Variants in BTAF1 observed in about 807,000 individuals in gnomAD.
The protein encoded by BTAF1 is TATA-binding protein-associated factor 172.
In BTAF1, 38 loss-of-function variants were observed where a neutral mutation model predicts 227.1. That is an observed-to-expected ratio of 0.17 (90% CI 0.13 to 0.22). The LOEUF is 0.22. Among genes scored for constraint, BTAF1 ranks in the 10% least tolerant of loss-of-function variants. The pLI is 1.00. For missense variants in BTAF1, 1,598 were observed against 2,204.0 expected (o/e 0.73, Z 5.51); for synonymous variants, 742 against 751.9 (o/e 0.99, Z 0.21).
intron 1 of BTAF1, among the ~76,000 whole-genome samples, chr10:91,929,877 A>G (rs1844155523): frequency 6.6e-6 from 1 of 152,192 alleles, no homozygotes; most frequent in Non-Finnish European, 1.5e-5. Flanking sequence ...TCAATCCATT[A>G]TAAGATGACA....
intron 19 of BTAF1, among the ~76,000 whole-genome samples, chr10:91,985,176 T>C (rs1450064620): frequency 3.3e-5 from 5 of 152,120 alleles, no homozygotes; most frequent in African/African-American, 1.2e-4. Context: ...ATTATTCTAA[T>C]TCCCCCCCGA....
chr10:91,929,058 C>T (rs751104888), intron 1 of BTAF1, among the ~76,000 whole-genome samples: 3 of 152,152 alleles, frequency 2.0e-5, no homozygotes, highest in Non-Finnish European at 2.9e-5. Context: ...CAGTGATCCA[C>T]GTGGCTTTGC....
chr10:91,995,169 T>A (rs1368812484), intron 23 of BTAF1, among the ~76,000 whole-genome samples: 1 of 152,154 alleles, frequency 6.6e-6, no homozygotes, highest in Non-Finnish European at 1.5e-5. Context: ...TATCTGGTTT[T>A]TTTCATAGAA....
rs148135608 is a variant in BTAF1, at chr10:91,992,236, C to A, written c.2972C>A (p.Pro991His). Residue 991 changes from proline (P) to histidine (H), a missense_variant, in exon 21 of 38, where the codon CCC becomes CAC. By Grantham distance (77) the Pro-to-His change is moderately conservative. Coordinates refer to ENST00000265990, the MANE Select transcript of BTAF1 (RefSeq NM_003972.3). ...ATCACAAGTAGGCGAGGTCCTACCC[C>A]CAAAGCAGTAAAAGCTCAAATAGCA... ...FAITSRRGPT[P>H]KAVKAQIADL... The A allele has an allele frequency of 1.9e-5, 31 of 1,613,652 alleles. No individual in the cohort carries two copies. Among genetic ancestry groups the A allele is most frequent in the Non-Finnish European group, 2.5e-5 (29 of 1,179,934 alleles).
At chr10:91,927,990 T>C (rs1310959586) in intron 1 of BTAF1, among the ~76,000 whole-genome samples, 3 of 150,978 alleles carry the variant, frequency 2.0e-5, no homozygotes, top group African/African-American at 7.3e-5. Context: ...CTTTTTTTTT[T>C]TTTTTTTTTG....
chr10:92,019,217 ACT>A (rs1189365779), intron 34 of BTAF1, among the ~76,000 whole-genome samples: 1 of 151,958 alleles, frequency 6.6e-6, no homozygotes, highest in African/African-American at 2.4e-5. Flanking sequence ...CCAAACAGAA[ACT>A]CTATATTCAT....
chr10:91,946,345 G>A (rs575049186), intron 4 of BTAF1, among the ~76,000 whole-genome samples: 1 of 152,274 alleles, frequency 6.6e-6, no homozygotes, highest in South Asian at 2.1e-4. Flanking sequence ...GGCAACAAGA[G>A]TGAAACTCTG....
chr10:91,976,912 T>G (rs1474141382), intron 14 of BTAF1, among the ~76,000 whole-genome samples: 1 of 152,152 alleles, frequency 6.6e-6, no homozygotes, highest in Non-Finnish European at 1.5e-5. Context: ...AATAACTTAA[T>G]GAGGTAACTC....
intron 14 of BTAF1, among the ~76,000 whole-genome samples, chr10:91,975,695 A>G (rs2133958303): frequency 6.6e-6 from 1 of 152,344 alleles, no homozygotes; most frequent in Admixed American, 6.5e-5. Context: ...TGCAGGCAAG[A>G]ATCAGGTGTT....
chr10:91,934,936 G>A (rs996836444), intron 1 of BTAF1, among the ~76,000 whole-genome samples: 11 of 151,792 alleles, frequency 7.2e-5, no homozygotes, highest in East Asian at 5.8e-4. Context: ...TATAATATTC[G>A]CTCCTTTCTT....
At chr10:91,956,058 T>C (rs1323503978) in intron 6 of BTAF1, among the ~76,000 whole-genome samples, 1 of 152,196 alleles carries the variant, frequency 6.6e-6, no homozygotes, top group Non-Finnish European at 1.5e-5. Context: ...CCTCAAATTT[T>C]CTATATCCTT....
At chr10:91,987,447 C>A (rs778627984) in intron 19 of BTAF1, among the ~76,000 whole-genome samples, 1 of 151,892 alleles carries the variant, frequency 6.6e-6, no homozygotes, top group African/African-American at 2.4e-5. Flanking sequence ...CACGCCACTG[C>A]GCTCCAGCCT....
intron 8 of BTAF1, among the ~76,000 whole-genome samples, chr10:91,957,821 C>G (rs1846205169): frequency 6.6e-6 from 1 of 152,052 alleles, no homozygotes; most frequent in Admixed American, 6.5e-5. Context: ...TGGTGTAATT[C>G]TATTTAAAGT....
Position 91,964,190 on chromosome 10 carries a change from C to A in BTAF1, c.1518C>A (p.Val506=). The A allele has an allele frequency of 6.2e-7, 1 of 1,612,098 alleles. No homozygotes were observed. The highest frequency in any genetic ancestry group is 1.1e-5 in the South Asian group (1 of 90,900). ...CATCCTTGTTAACTTACCCTCAGGT[C>A]CAACAATGCAGGTAATTATTTCTAA... ...LLSSLLTYPQ[V]QQCSIQQSLT... Residue 506 remains valine (V), a synonymous_variant, in exon 13 of 38, where the codon GTC becomes GTA. Coordinates refer to ENST00000265990, the MANE Select transcript of BTAF1 (RefSeq NM_003972.3).
chr10:91,970,293 C>T (rs1847196633), intron 14 of BTAF1, among the ~76,000 whole-genome samples: 1 of 152,086 alleles, frequency 6.6e-6, no homozygotes, highest in Non-Finnish European at 1.5e-5. Flanking sequence ...AGATTCTGTG[C>T]TGGGTTTCCT....
Position 92,018,888 on chromosome 10 carries a change from T to C in BTAF1, c.4816T>C (p.Ser1606Pro). ...CGAAAAACTGGCAGTTCAGAATTCT[T>C]CTCTACATGATATTCAACATGCCCC... The part of the protein sequence containing the change: ...TAEKLAVQNS[S>P]LHDIQHAPKL... Residue 1606 changes from serine (S) to proline (P), a missense_variant, in exon 34 of 38, where the codon TCT (serine) becomes CCT (proline). By Grantham distance (74) the Ser-to-Pro change is moderately conservative (BLOSUM62 -1). This residue lies in a region of BTAF1 where 205 missense variants were observed against 244.5 expected (regional missense o/e 0.84). Coordinates refer to ENST00000265990, the MANE Select transcript of BTAF1 (RefSeq NM_003972.3). 1.2e-6 allele frequency: 2 copies of C among 1,610,488 alleles called. No individual in the cohort carries two copies. Among genetic ancestry groups the C allele is most frequent in the South Asian group, 2.2e-5 (2 of 90,198 alleles).
intron 20 of BTAF1, among the ~76,000 whole-genome samples, chr10:91,990,350 A>G (rs1469054982): frequency 6.6e-6 from 1 of 150,954 alleles, no homozygotes. Flanking sequence ...CCCCCCTCTT[A>G]CCCCCCTGGT....
At chr10:91,924,191 C>T (rs1186857301) in intron 1 of BTAF1, 101 bp downstream of exon 1, 6 of 1,477,690 alleles carry the variant, frequency 4.1e-6, no homozygotes, top group East Asian at 2.6e-5. Flanking sequence ...CTCATTGTCA[C>T]TGGGCTCTGG....
chr10:91,991,350 A>G (rs1317576714), intron 20 of BTAF1, among the ~76,000 whole-genome samples: 2 of 145,700 alleles, frequency 1.4e-5, no homozygotes, highest in African/African-American at 2.5e-5. Context: ...AGGCTGAGGC[A>G]TGAGAGTCCC....
Sources: gnomAD v4.1 joint callset for allele counts (sites outside exome capture counted in the v4.1 genomes callset) on GRCh38, gnomAD v4.1.1 for gene constraint, gnomAD v4.1.1 regional missense constraint, MANE v1.5 for transcripts, NCBI Gene and HGNC (gene_info 2026-07-23, HGNC 2026-07-21) for gene names.